Variants in GREM2 observed in about 807,000 individuals in gnomAD.
GREM2 encodes gremlin-2.
A neutral mutation model predicts 14.2 loss-of-function variants in GREM2; 11 were observed. The ratio of observed to expected loss-of-function variants is 0.78; its 90% CI spans 0.49 to 1.28. The LOEUF (loss-of-function observed/expected upper bound fraction) is 1.28, where lower values mean the gene tolerates loss of function less well. GREM2 is among the 50% of genes most tolerant of loss of function. GREM2 has a pLI of 0.00. For missense variants in GREM2, 210 were observed against 218.5 expected, an observed-to-expected ratio of 0.96 and a Z score of 0.24; for synonymous variants, 98 against 97.6, an observed-to-expected ratio of 1.00 and a Z score of -0.02.
At chr1:240,610,031 C>T (rs1238555467) in intron 1 of GREM2, among the ~76,000 whole-genome samples, 1 of 152,028 alleles carries the variant, frequency 6.6e-6, no homozygotes, top group Non-Finnish European at 1.5e-5. Flanking sequence ...TTTGAAAAGC[C>T]ATCAGTGTCT....
chr1:240,575,710 G>C (rs574637989), intron 1 of GREM2, among the ~76,000 whole-genome samples: 2 of 151,658 alleles, frequency 1.3e-5, no homozygotes, highest in African/African-American at 2.4e-5. Context: ...TAGTAGAGAC[G>C]GGGTTTCACC....
chr1:240,579,058 T>C (rs1014851093), intron 1 of GREM2, among the ~76,000 whole-genome samples: 4 of 152,168 alleles, frequency 2.6e-5, no homozygotes, highest in African/African-American at 9.7e-5. Flanking sequence ...CTTCAGACTC[T>C]CATTGTCAGG....
At chr1:240,610,956 C>T (rs1041903116) in intron 1 of GREM2, among the ~76,000 whole-genome samples, 2 of 151,984 alleles carry the variant, frequency 1.3e-5, no homozygotes, top group Non-Finnish European at 2.9e-5. Context: ...TTAAGCAATG[C>T]TAATTTAATC....
At chr1:240,568,583 C>T (rs550033730) in intron 1 of GREM2, among the ~76,000 whole-genome samples, 18 of 152,184 alleles carry the variant, frequency 1.2e-4, no homozygotes, top group African/African-American at 3.6e-4. Context: ...AATAAGTATA[C>T]TCTGAATATA....
At chr1:240,564,987 T>C (rs1041030692) in intron 1 of GREM2, among the ~76,000 whole-genome samples, 1 of 152,246 alleles carries the variant, frequency 6.6e-6, no homozygotes, top group Non-Finnish European at 1.5e-5. Flanking sequence ...ACTTCCTTTT[T>C]GTCAGAGTTA....
intron 1 of GREM2, among the ~76,000 whole-genome samples, chr1:240,516,727 T>C (rs1572376451): frequency 6.8e-6 from 1 of 147,716 alleles, no homozygotes; most frequent in Non-Finnish European, 1.5e-5. Flanking sequence ...TTCCCAATTA[T>C]GAGAAAATTT....
intron 1 of GREM2, among the ~76,000 whole-genome samples, chr1:240,494,279 G>A (rs1677354550): frequency 6.6e-6 from 1 of 152,112 alleles, no homozygotes; most frequent in Non-Finnish European, 1.5e-5. Flanking sequence ...CTGAGGCTGG[G>A]GCCCACAGAA....
chr1:240,531,524 T>C (rs1356956620), intron 1 of GREM2: 1 of 454,642 alleles, frequency 2.2e-6, no homozygotes, highest in Non-Finnish European at 2.9e-6. Context: ...TTCCACTGAG[T>C]GCTTCTTCTT....
Position 240,547,532 on chromosome 1 carries a change from T to TAGACAGATAG in GREM2, c.-1-54057_-1-54056insCTATCTGTCT, listed in dbSNP as rs1553275859. Reference sequence around the variant, plus strand: ...AAAAAAAAATATATATATATATATATATAGATAGATAGATAGATAGATAGA... The same window carrying TAGACAGATAG: ...AAAAAAAAATATATATATATATATATAGACAGATAGATAGATAGATAGATAGATAGATAGA... On this transcript the variant is annotated intron_variant, in intron 1 of 1. Coordinates refer to ENST00000318160, the MANE Select transcript of GREM2 (RefSeq NM_022469.4). Among the ~76,000 whole-genome samples the TAGACAGATAG allele has an allele frequency of 2.3e-3, 277 of 121,810 alleles. 1 individual carries two copies. The highest frequency in any genetic ancestry group is 9.6e-3 in the African/African-American group (259 of 27,026). 79.9% of individuals were successfully genotyped at this position (121,810 alleles called of 152,430 possible). A position where few individuals can be genotyped will look rare whatever the true frequency, so the allele number is the denominator to read the frequency against.
At chr1:240,504,146 A>T (rs1036223350) in intron 1 of GREM2, among the ~76,000 whole-genome samples, 1 of 152,226 alleles carries the variant, frequency 6.6e-6, no homozygotes, top group South Asian at 2.1e-4. Flanking sequence ...AGCTATCAAA[A>T]TCAGAAGTGA....
At chr1:240,513,943 C>A (rs1198581027) in intron 1 of GREM2, among the ~76,000 whole-genome samples, 2 of 134,812 alleles carry the variant, frequency 1.5e-5, no homozygotes, top group African/African-American at 6.3e-5. Flanking sequence ...ACAGAAATGG[C>A]TTTAAGAGGG....
chr1:240,591,396 A>T (rs1451653386), intron 1 of GREM2, among the ~76,000 whole-genome samples: 1 of 152,190 alleles, frequency 6.6e-6, no homozygotes, highest in Admixed American at 6.5e-5. Flanking sequence ...AACTGAAAAG[A>T]GGTTACGTAG....
intron 1 of GREM2, among the ~76,000 whole-genome samples, chr1:240,601,613 T>A (rs1237042864): frequency 3.3e-5 from 5 of 151,970 alleles, no homozygotes; most frequent in Admixed American, 3.3e-4. Context: ...CTTATTAAGA[T>A]ATTGTGTGTT....
intron 1 of GREM2, among the ~76,000 whole-genome samples, chr1:240,586,329 T>C (rs908581443): frequency 1.3e-5 from 2 of 152,188 alleles, no homozygotes; most frequent in Non-Finnish European, 2.9e-5. Context: ...AGGTAATTAA[T>C]CTAATTTGAC....
intron 1 of GREM2, among the ~76,000 whole-genome samples, chr1:240,509,642 A>G (rs1677760177): frequency 6.6e-6 from 1 of 152,062 alleles, no homozygotes; most frequent in Admixed American, 6.5e-5. Flanking sequence ...TGCTGGGATT[A>G]CAGGCATGAG....
intron 1 of GREM2, among the ~76,000 whole-genome samples, chr1:240,586,630 T>A (rs951691606): frequency 4.6e-5 from 7 of 152,170 alleles, no homozygotes; most frequent in East Asian, 3.9e-4. Context: ...CCAACAGAAA[T>A]CTGCAAATAA....
At chr1:240,520,186 T>C (rs1678052114) in intron 1 of GREM2, among the ~76,000 whole-genome samples, 1 of 152,212 alleles carries the variant, frequency 6.6e-6, no homozygotes, top group Admixed American at 6.5e-5. Flanking sequence ...ACTTCTTCAG[T>C]ATGCAATTTT....
At chr1:240,605,188 G>T (rs145349915) in intron 1 of GREM2, among the ~76,000 whole-genome samples, 3,923 of 152,190 alleles carry the variant, frequency 0.026, 188 homozygotes, top group African/African-American at 0.091. Context: ...GTGTACTCTC[G>T]TGGCAAAACT....
chr1:240,510,640 C>A (rs1677803456), intron 1 of GREM2, among the ~76,000 whole-genome samples: 1 of 152,044 alleles, frequency 6.6e-6, no homozygotes, highest in Non-Finnish European at 1.5e-5. Flanking sequence ...GTGAGTTTCA[C>A]CTCAATTAAA....
Sources: allele counts gnomAD v4.1 joint callset (sites outside exome capture counted in the v4.1 genomes callset), GRCh38; gene constraint gnomAD v4.1.1; transcripts MANE v1.5; gene names NCBI Gene and HGNC (gene_info 2026-07-23, HGNC 2026-07-21).